The following TMEM163 variants were observed in gnomAD, a reference collection of about 807,000 sequenced individuals.
TMEM163 encodes the protein transmembrane protein 163.
A neutral mutation model predicts 29.3 loss-of-function variants in TMEM163; 17 were observed. That is an observed-to-expected ratio of 0.58 (90% CI 0.40 to 0.87). The LOEUF is 0.87. TMEM163 is among the 40% of genes least tolerant of loss of function. The pLI is 0.00. For missense variants in TMEM163, 303 were observed against 381.5 expected (o/e 0.79, Z 1.71); for synonymous variants, 157 against 160.6 (o/e 0.98, Z 0.17).
intron 2 of TMEM163, among the ~76,000 whole-genome samples, chr2:134,600,100 C>T (rs2104809301): frequency 6.6e-6 from 1 of 152,238 alleles, no homozygotes; most frequent in African/African-American, 2.4e-5. Context: ...CTGCCCACCA[C>T]GTAAAAGCCA....
At chr2:134,551,743 T>C (rs1680931364) in intron 3 of TMEM163, among the ~76,000 whole-genome samples, 1 of 152,188 alleles carries the variant, frequency 6.6e-6, no homozygotes, top group African/African-American at 2.4e-5. Context: ...TTTGCTTCAG[T>C]GCGTGCCAGG....
At chr2:134,567,206 A>G (rs1289145821) in intron 2 of TMEM163, among the ~76,000 whole-genome samples, 1 of 152,164 alleles carries the variant, frequency 6.6e-6, no homozygotes, top group Non-Finnish European at 1.5e-5. Context: ...AAGCAGCCAA[A>G]CCACTTTCCA....
At chr2:134,592,605 C>CCTT (rs1230350720) in intron 2 of TMEM163, among the ~76,000 whole-genome samples, 1 of 151,918 alleles carries the variant, frequency 6.6e-6, no homozygotes, top group Non-Finnish European at 1.5e-5. Flanking sequence ...GCGTGTGCTC[C>CCTT]CTTCTCATCA....
chr2:134,657,819 A>G, intron 2 of TMEM163, among the ~76,000 whole-genome samples: 1 of 152,066 alleles, frequency 6.6e-6, no homozygotes, highest in East Asian at 1.9e-4. Flanking sequence ...TAAAAAATAA[A>G]AAAGATGGGA....
At chr2:134,495,692 T>C (rs1679534919) in intron 5 of TMEM163, among the ~76,000 whole-genome samples, 2 of 152,198 alleles carry the variant, frequency 1.3e-5, no homozygotes, top group East Asian at 3.9e-4. Context: ...CAAACAAGAA[T>C]GGAGTCGTTC....
At chr2:134,700,933 A>ATACATACATACATAAATAC (rs1558996871) in intron 2 of TMEM163, among the ~76,000 whole-genome samples, 2 of 82,744 alleles carry the variant, frequency 2.4e-5, no homozygotes, top group African/African-American at 1.7e-4. Flanking sequence ...TAAATAAATA[A>ATACATACATACATAAATAC]ATAAATAAAT....
At chr2:134,519,855 A>G (rs371821221) in intron 4 of TMEM163, among the ~76,000 whole-genome samples, 1 of 146,018 alleles carries the variant, frequency 6.8e-6, no homozygotes, top group African/African-American at 2.6e-5. Context: ...GCGCCACTGC[A>G]CTCTAGCCTG....
At chr2:134,638,085 T>A (rs1306922158) in intron 2 of TMEM163, among the ~76,000 whole-genome samples, 1 of 152,238 alleles carries the variant, frequency 6.6e-6, no homozygotes, top group Non-Finnish European at 1.5e-5. Context: ...TAGAGACGTA[T>A]TAATATATAC....
In TMEM163 at chr2:134,456,556, G is replaced by T; in HGVS notation, c.*160C>A. 2 of 793,866 alleles carry T rather than the reference G, an allele frequency of 2.5e-6. No individual in the cohort carries two copies. Among genetic ancestry groups the T allele is most frequent in the Non-Finnish European group, 4.1e-6 (2 of 483,614 alleles). The allele number at this position is 793,866 out of a possible 1,614,324, so 49.2% of individuals were successfully genotyped here. ...TTGATGGGGGCGGCAGGTGATGGGG[G>T]CAAGGTAGATCCACCTGGCTGGGCA... is the stretch of plus-strand genomic sequence containing the variant. On this transcript the variant is annotated 3_prime_UTR_variant, in exon 8 of 8. Transcript: ENST00000281924.
At chr2:134,587,267 C>T (rs1681843263) in intron 2 of TMEM163, among the ~76,000 whole-genome samples, 1 of 152,104 alleles carries the variant, frequency 6.6e-6, no homozygotes, top group South Asian at 2.1e-4. Context: ...AAAAAATTAG[C>T]TAGGTATGGT....
chr2:134,675,312 A>T lies in TMEM163; in HGVS notation c.322+37888T>A, dbSNP rs141359774. On this transcript the variant is annotated intron_variant, in intron 2 of 7. Transcript: ENST00000281924. ...GTGACTTTTCCTTTTAATAAAAAAT[A>T]ATCAACAAGTGAAAGAAATCTAAAC... is the stretch of plus-strand genomic sequence containing the variant. 2.7e-3 allele frequency among the ~76,000 whole-genome samples: 416 copies of T among 152,376 alleles called. 2 individuals are homozygous for T. Among genetic ancestry groups the T allele is most frequent in the African/African-American group, 9.7e-3 (405 of 41,594 alleles).
intron 5 of TMEM163, among the ~76,000 whole-genome samples, chr2:134,479,614 G>A (rs1228881349): frequency 3.3e-5 from 5 of 152,184 alleles, no homozygotes; most frequent in South Asian, 2.1e-4. Context: ...CTGTACAAAC[G>A]TGAGGTGGTC....
intron 2 of TMEM163, among the ~76,000 whole-genome samples, chr2:134,674,817 C>A (rs1684080180): frequency 6.6e-6 from 1 of 152,156 alleles, no homozygotes; most frequent in Non-Finnish European, 1.5e-5. Flanking sequence ...ATTAAAAATA[C>A]CTCTGCAAGG....
chr2:134,526,850 C>T (rs545200064), intron 4 of TMEM163, among the ~76,000 whole-genome samples: 1 of 152,278 alleles, frequency 6.6e-6, no homozygotes, highest in South Asian at 2.1e-4. Context: ...TGCTCATCCT[C>T]CAAGCCTTGT....
intron 2 of TMEM163, among the ~76,000 whole-genome samples, chr2:134,615,651 C>CTTTTTT (rs35159964): frequency 2.0e-4 from 16 of 79,158 alleles, no homozygotes; most frequent in East Asian, 6.3e-4. Context: ...AAGAGCAGAG[C>CTTTTTT]TTTTTTTTTT....
At chr2:134,641,771 A>G (rs778466339) in intron 2 of TMEM163, among the ~76,000 whole-genome samples, 4 of 152,210 alleles carry the variant, frequency 2.6e-5, no homozygotes, top group Non-Finnish European at 5.9e-5. Flanking sequence ...TAAATGCACC[A>G]ATTAAAAAAC....
At chr2:134,530,298 G>T (rs1680391230) in intron 4 of TMEM163, among the ~76,000 whole-genome samples, 1 of 152,068 alleles carries the variant, frequency 6.6e-6, no homozygotes, top group South Asian at 2.1e-4. Flanking sequence ...TTGAGACACG[G>T]TCTCACTCTG....
intron 5 of TMEM163, among the ~76,000 whole-genome samples, chr2:134,480,967 T>C (rs544359166): frequency 3.0e-4 from 46 of 152,338 alleles, no homozygotes; most frequent in African/African-American, 1.1e-3. Flanking sequence ...AATATTTCCA[T>C]GACCCCCGAA....
At position 134,466,170 on chromosome 2, in the gene TMEM163, G is replaced by C. The variant is rs775150860; in HGVS notation, c.611C>G (p.Ala204Gly). ...ILSGILCSIL[A>G]VLKFMLGKVL... ...CTTCCCCAGCATGAACTTCAACACG[G>C]CCAGGATGCTGCAAAGAATCCCACT... Residue 204 changes from alanine (A) to glycine (G), a missense_variant, in exon 6 of 8, where the codon GCC (alanine) becomes GGC (glycine). Physicochemically the swap from Ala to Gly is moderately conservative, Grantham distance 60. Transcript: ENST00000281924. 5.0e-6 allele frequency: 8 copies of C among 1,613,858 alleles called. No homozygotes were observed. In the African/African-American group the frequency reaches 1.1e-4, roughly 22 times the overall value.
Sources: allele counts gnomAD v4.1 joint callset (sites outside exome capture counted in the v4.1 genomes callset), GRCh38; gene constraint gnomAD v4.1.1; transcripts MANE v1.5; gene names NCBI Gene and HGNC (gene_info 2026-07-23, HGNC 2026-07-21).